MEGF9: variants seen among roughly 807,000 people sequenced by gnomAD.
MEGF9 encodes multiple EGF like domains 9.
Under a neutral mutation model 46.8 loss-of-function variants are expected in MEGF9, and 6 were observed. The ratio of observed to expected loss-of-function variants is 0.13; its 90% CI spans 0.07 to 0.25. MEGF9 has a LOEUF of 0.25. MEGF9 is among the 10% of genes least tolerant of loss of function. The pLI is 1.00. For synonymous variants in MEGF9, 302 were observed against 330.7 expected, an observed-to-expected ratio of 0.91 and a Z score of 0.94; for missense variants, 683 against 792.4, an observed-to-expected ratio of 0.86 and a Z score of 1.66.
chr9:120,664,052 T>C (rs188123582), intron 1 of MEGF9, among the ~76,000 whole-genome samples: 5 of 152,040 alleles, frequency 3.3e-5, no homozygotes, highest in Admixed American at 2.6e-4. Flanking sequence ...GAGATGAAAA[T>C]TTTTTAGCCC....
chr9:120,649,524 G>A (rs568399247), intron 2 of MEGF9, among the ~76,000 whole-genome samples: 8 of 152,156 alleles, frequency 5.3e-5, no homozygotes, highest in Non-Finnish European at 1.0e-4. Context: ...ATGGTGTCCT[G>A]TCCAGGGTTG....
chr9:120,692,882 T>C, intron 1 of MEGF9, among the ~76,000 whole-genome samples: 1 of 152,146 alleles, frequency 6.6e-6, no homozygotes, highest in East Asian at 1.9e-4. Flanking sequence ...GACATTGTCC[T>C]TCATCCCCTA....
chr9:120,662,597 T>TC (rs1385374822), intron 1 of MEGF9, among the ~76,000 whole-genome samples: 1 of 152,238 alleles, frequency 6.6e-6, no homozygotes, highest in Non-Finnish European at 1.5e-5. Flanking sequence ...CTTTATTTTT[T>TC]CTCCTGTAAA....
At chr9:120,612,638 A>ATC in intron 3 of MEGF9, 99 bp from the exon 4 acceptor site, 1 of 1,056,238 alleles carries the variant, frequency 9.5e-7, no homozygotes, top group Non-Finnish European at 1.3e-6. Context: ...TAAGAAAAAG[A>ATC]AAAACTAATA....
At position 120,604,226 on chromosome 9, in the gene MEGF9, C is replaced by T. The variant is rs912564467; in HGVS notation, c.*964G>A. On this transcript the variant is annotated 3_prime_UTR_variant, in exon 6 of 6. Coordinates refer to ENST00000373930, the MANE Select transcript of MEGF9 (RefSeq NM_001080497.3). ...AAGGAAAGAAAGAAACATTCGACCT[C>T]TTATAAATTTCAGCAATGTCCTCAA... 1.3e-5 allele frequency: 2 copies of T among 152,442 alleles called. No individual in the cohort carries two copies. Among genetic ancestry groups the T allele is most frequent in the Non-Finnish European group, 2.9e-5 (2 of 68,022 alleles). 9.4% of individuals were successfully genotyped at this position (152,442 alleles called of 1,614,324 possible). A position where few individuals can be genotyped will look rare whatever the true frequency, so the allele number is the denominator to read the frequency against.
intron 1 of MEGF9, among the ~76,000 whole-genome samples, chr9:120,669,861 G>C (rs138227481): frequency 4.4e-4 from 67 of 152,222 alleles, no homozygotes; most frequent in African/African-American, 1.4e-3. Context: ...TCAGAAACGA[G>C]ATATGACAAT....
Position 120,602,648 on chromosome 9 carries a change from T to C in MEGF9, c.*2542A>G, listed in dbSNP as rs1304412632. The C allele has an allele frequency of 1.3e-5, 2 of 152,176 alleles. No homozygotes were observed. Among genetic ancestry groups the C allele is most frequent in the African/African-American group, 2.4e-5 (1 of 41,434 alleles). The allele number at this position is 152,176 out of a possible 1,614,324, so 9.4% of individuals were successfully genotyped here. ...ACCTTTTAAGGTCTGTTTCAAGGAA[T>C]TTCTACATGGTCAAAATCCTCTTAG... On this transcript the variant is annotated 3_prime_UTR_variant, in exon 6 of 6. Coordinates refer to ENST00000373930, the MANE Select transcript of MEGF9 (RefSeq NM_001080497.3).
intron 1 of MEGF9, among the ~76,000 whole-genome samples, chr9:120,672,965 G>C (rs759733605): frequency 6.6e-6 from 1 of 152,192 alleles, no homozygotes; most frequent in Non-Finnish European, 1.5e-5. Flanking sequence ...AGAGGTTGCG[G>C]TGAACCGAGA....
chr9:120,632,084 C>G (rs565702930), intron 2 of MEGF9, among the ~76,000 whole-genome samples: 1 of 152,038 alleles, frequency 6.6e-6, no homozygotes, highest in African/African-American at 2.4e-5. Context: ...CATGCTACCA[C>G]GCCCAGCTAA....
At chr9:120,665,560 A>G (rs955545712) in intron 1 of MEGF9, among the ~76,000 whole-genome samples, 1 of 152,146 alleles carries the variant, frequency 6.6e-6, no homozygotes, top group East Asian at 1.9e-4. Context: ...ACATATGAGT[A>G]AGAACATGCA....
chr9:120,674,618 G>A (rs569128998), intron 1 of MEGF9, among the ~76,000 whole-genome samples: 52 of 151,970 alleles, frequency 3.4e-4, no homozygotes, highest in Non-Finnish European at 5.9e-4. Flanking sequence ...ACCTAGGCTG[G>A]AGTGCAGTGG....
intron 3 of MEGF9, among the ~76,000 whole-genome samples, chr9:120,619,783 T>C (rs1587975254): frequency 2.6e-5 from 4 of 152,352 alleles, no homozygotes; most frequent in Non-Finnish European, 1.5e-5. Context: ...TAATACTTAC[T>C]GTCAAATTGC....
intron 3 of MEGF9, among the ~76,000 whole-genome samples, chr9:120,617,832 AT>A (rs2043478979): frequency 6.6e-6 from 1 of 152,226 alleles, no homozygotes; most frequent in African/African-American, 2.4e-5. Flanking sequence ...GATTCAGGGT[AT>A]GTTTTGAAGA....
intron 1 of MEGF9, among the ~76,000 whole-genome samples, chr9:120,695,384 T>C (rs1383607064): frequency 6.6e-6 from 1 of 151,718 alleles, no homozygotes; most frequent in African/African-American, 2.4e-5. Flanking sequence ...GGCAGGCAAA[T>C]CACAAGGTCA....
chr9:120,621,202 T>C (rs985011375), intron 3 of MEGF9, among the ~76,000 whole-genome samples: 9 of 152,244 alleles, frequency 5.9e-5, no homozygotes, highest in African/African-American at 2.2e-4. Flanking sequence ...AATCTGTCGG[T>C]TGACACCTTT....
At chr9:120,666,431 C>T (rs1196021102) in intron 1 of MEGF9, among the ~76,000 whole-genome samples, 1 of 152,144 alleles carries the variant, frequency 6.6e-6, no homozygotes, top group Non-Finnish European at 1.5e-5. Context: ...AAAAGCAAAA[C>T]TGTACTTTGA....
chr9:120,697,922 T>G (rs2043885825), intron 1 of MEGF9, among the ~76,000 whole-genome samples: 1 of 152,160 alleles, frequency 6.6e-6, no homozygotes, highest in Non-Finnish European at 1.5e-5. Flanking sequence ...AAATGCTTTA[T>G]TTCATTTTCT....
intron 1 of MEGF9, among the ~76,000 whole-genome samples, chr9:120,707,818 A>G (rs2043935418): frequency 1.3e-5 from 2 of 151,988 alleles, no homozygotes; most frequent in South Asian, 4.2e-4. Flanking sequence ...TGAGGCAGGC[A>G]GATCATTTGA....
At chr9:120,670,134 T>C (rs1370988457) in intron 1 of MEGF9, among the ~76,000 whole-genome samples, 1 of 152,226 alleles carries the variant, frequency 6.6e-6, no homozygotes, top group Non-Finnish European at 1.5e-5. Flanking sequence ...TCTCACTCTG[T>C]CACCCAGGCT....
Sources: gnomAD v4.1 joint callset for allele counts (sites outside exome capture counted in the v4.1 genomes callset) on GRCh38, gnomAD v4.1.1 for gene constraint, MANE v1.5 for transcripts, NCBI Gene and HGNC (gene_info 2026-07-23, HGNC 2026-07-21) for gene names.